The following KRT5 variants were observed in gnomAD, a reference collection of about 807,000 sequenced individuals.
KRT5 encodes keratin 5.
KRT5 carries 17 observed loss-of-function variants against 44.0 expected under a neutral mutation model. The observed-to-expected ratio is 0.39, with a 90% confidence interval of 0.26 to 0.58. The LOEUF is 0.58. Ranked by LOEUF, KRT5 falls within the 20% of genes least tolerant of loss-of-function variation. KRT5 has a pLI of 0.61. For missense variants in KRT5, 737 were observed against 785.5 expected (o/e 0.94, Z 0.74); for synonymous variants, 329 against 312.8 (o/e 1.05, Z -0.55).
intron 2 of KRT5, 36 bp from the exon 3 acceptor site, chr12:52,518,199 G>A (rs1319361948): frequency 1.3e-6 from 2 of 1,599,468 alleles, no homozygotes; most frequent in African/African-American, 1.3e-5. Context: ...TTTGTCAGAG[G>A]ATGAGCAACA....
At position 52,520,274 on chromosome 12, in the gene KRT5, G is replaced by A. The variant is rs913174272; in HGVS notation, c.23C>T (p.Ser8Phe). 2.5e-6 allele frequency: 4 copies of A among 1,613,586 alleles called. No homozygotes were observed. Among genetic ancestry groups the A allele is most frequent in the Non-Finnish European group, 3.4e-6 (4 of 1,180,042 alleles). Residue 8 changes from serine (S) to phenylalanine (F), a missense_variant, in exon 1 of 9, where the codon TCC becomes TTC. Around this residue, in one of 5 missense-constraint regions of KRT5, gnomAD observed 326 missense variants for 333.1 expected, o/e 0.98. Transcript: ENST00000252242. ...GCTACGACTGCCCCCGCTCCGGAAG[G>A]ACACACTTGACTGGCGAGACATGGT... MSRQSSV[S>F]FRSGGSRSFS...
At chr12:52,519,564 C>G in intron 1 of KRT5, 178 bp downstream of exon 1, 1 of 740,656 alleles carries the variant, frequency 1.4e-6, no homozygotes, top group Non-Finnish European at 2.3e-6. Flanking sequence ...ATTCTCCCTT[C>G]CCAGCTGCCA....
chr12:52,515,532 G>A, intron 8 of KRT5: 1 of 622,228 alleles, frequency 1.6e-6, no homozygotes, highest in Non-Finnish European at 2.8e-6. Flanking sequence ...ACTGGGGGGA[G>A]CTAGGTACTA....
At position 52,516,818 on chromosome 12, in the gene KRT5, G is replaced by A. The variant is rs374228362; in HGVS notation, c.1258C>T (p.Arg420Cys). 3.2e-5 allele frequency: 51 copies of A among 1,614,184 alleles called. No homozygotes were observed. Among genetic ancestry groups the A allele is most frequent in the African/African-American group, 2.3e-4 (17 of 75,040 alleles). The change falls in exon 7 of 9, where the codon CGT (arginine) becomes TGT (cysteine). Residue 420 changes from arginine to cysteine, a missense_variant. Transcript: ENST00000252242. Reference protein sequence around the residue: ...LQNAIADAEQRGELALKDARN... With the variant: ...LQNAIADAEQCGELALKDARN... ...GCATCCTTGAGGGCCAGCTCCCCAC[G>A]CTGCTCGGCATCCGCAATGGCGTTC... is the stretch of plus-strand genomic sequence containing the variant.
chr12:52,515,957 G>T (rs2120472235), intron 7 of KRT5, 125 bp from the exon 8 acceptor site: 3 of 811,684 alleles, frequency 3.7e-6, no homozygotes, highest in South Asian at 1.4e-5. Context: ...ACACCCAAAA[G>T]CTGCTTAAGT....
At position 52,515,085 on chromosome 12, in the gene KRT5, C is replaced by T; in HGVS notation, c.1630G>A (p.Gly544Ser). Residue 544 changes from glycine (G) to serine (S), a missense_variant, in exon 9 of 9, where the codon GGT (glycine) becomes AGT (serine). By Grantham distance (56) the Gly-to-Ser change is moderately conservative. Around this residue, in one of 5 missense-constraint regions of KRT5, gnomAD observed 344 missense variants for 351.6 expected, o/e 0.98. Transcript: ENST00000252242. The stretch of plus-strand genomic sequence containing the variant: ...CCAGAGCCCCCCACACTGAGCCCAC[C>T]ACCTAGGCCGACACCCCCACTGCTG... Reference protein sequence around the residue: ...SSSSGGVGLGGGLSVGGSGFS... With the variant: ...SSSSGGVGLGSGLSVGGSGFS... The T allele has an allele frequency of 1.2e-6, 2 of 1,612,860 alleles. No individual in the cohort carries two copies. The highest frequency in any genetic ancestry group is 1.7e-6 in the Non-Finnish European group (2 of 1,179,488).
At chr12:52,519,507 A>T in intron 1 of KRT5, 1 of 633,474 alleles carries the variant, frequency 1.6e-6, no homozygotes, top group South Asian at 1.9e-5. Flanking sequence ...TCTGTCCAAC[A>T]GTTGTTAAGA....
In KRT5 at chr12:52,520,382, A is replaced by AGGT; in HGVS notation, c.-89_-87dup. ...AGAACAGAGCTCAGCAGGACGCAGA[A>AGGT]GGTGGCTCTGTTACCCAGGAACGGT... On this transcript the variant is annotated 5_prime_UTR_variant, in exon 1 of 9. Transcript: ENST00000252242. The AGGT allele has an allele frequency of 7.6e-7, 1 of 1,323,624 alleles. No individual in the cohort carries two copies. The allele number at this position is 1,323,624 out of a possible 1,614,324, so 82.0% of individuals were successfully genotyped here.
intron 3 of KRT5, 25 bp downstream of exon 3, chr12:52,518,078 C>T: frequency 6.2e-7 from 1 of 1,613,722 alleles, no homozygotes; most frequent in Non-Finnish European, 8.5e-7. Context: ...CTGCAGGCTG[C>T]TGGTTCTCTC....
Position 52,514,999 on chromosome 12 carries a change from G to C in KRT5, c.1716C>G (p.Ser572Arg). The C allele has an allele frequency of 6.2e-7, 1 of 1,612,844 alleles. No individual in the cohort carries two copies. The highest frequency in any genetic ancestry group is 8.5e-7 in the Non-Finnish European group (1 of 1,179,746). Residue 572 changes from serine (S) to arginine (R), a missense_variant, in exon 9 of 9, where the codon AGC becomes AGG. This residue lies in a region of KRT5 where 344 missense variants were observed against 351.6 expected (regional missense o/e 0.98). Transcript: ENST00000252242. ...GVGFGSGGGSSSSVKFVSTTS... is the reference protein window; with the variant it reads ...GVGFGSGGGSRSSVKFVSTTS... ...TGGTGGAGACAAATTTGACGCTGGA[G>C]CTGCTACCCCCGCCACTGCCAAAGC...
In KRT5 at chr12:52,515,283, G is replaced by T. The variant is rs1479617521; in HGVS notation, c.1475-43C>A. ...AGGACTCAGTGAGACCATCTGCCAG[G>T]CTGATCCTGCATGGCCCATTTATTT... is the stretch of plus-strand genomic sequence containing the variant. On this transcript the variant is annotated intron_variant, in intron 8 of 8. Transcript: ENST00000252242. 2.5e-6 allele frequency: 4 copies of T among 1,600,840 alleles called. No homozygotes were observed. The African/African-American group carries it at 5.3e-5, about 21-fold the overall frequency.
At chr12:52,515,950 C>A in intron 7 of KRT5, 118 bp from the exon 8 acceptor site, 1 of 847,616 alleles carries the variant, frequency 1.2e-6, no homozygotes, top group South Asian at 1.4e-5. Flanking sequence ...AGTCTGTACA[C>A]CCAAAAGCTG....
In KRT5 at chr12:52,515,812, C is replaced by T; in HGVS notation, c.1460G>A (p.Gly487Glu). ...AAGCTACTTACAGATGTTGACTGGT[C>T]CAACTCCTTCTCCACTGAGTCTGAA... ...EECRLSGEGV[G>E]PVNISVVTSS... Residue 487 changes from glycine (G) to glutamate (E), a missense_variant, in exon 8 of 9, where the codon GGA becomes GAA. Transcript: ENST00000252242. 3 of 1,613,292 alleles carry T rather than the reference C, an allele frequency of 1.9e-6. No individual in the cohort carries two copies. The highest frequency in any genetic ancestry group is 1.6e-4 in the Middle Eastern group (1 of 6,062).
intron 5 of KRT5, 33 bp downstream of exon 5, chr12:52,517,550 TGTGTCCC>T: frequency 6.3e-7 from 1 of 1,597,266 alleles, no homozygotes; most frequent in Non-Finnish European, 8.6e-7. Context: ...TAGACATGGG[TGTGTCCC>T]CTCACTCAGG....
Position 52,515,018 on chromosome 12 carries a change from C to T in KRT5, c.1697G>A (p.Gly566Asp), listed in dbSNP as rs1289903952. Reference protein sequence around the residue: ...SSGRGLGVGFGSGGGSSSSVK... With the variant: ...SSGRGLGVGFDSGGGSSSSVK... ...GCTGGAGCTGCTACCCCCGCCACTG[C>T]CAAAGCCCACCCCCAGCCCTCGGCC... The change falls in exon 9 of 9, where the codon GGC becomes GAC. Residue 566 changes from glycine to aspartate, a missense_variant. Gly to Asp is a moderately conservative substitution (Grantham distance 94). Transcript: ENST00000252242. 3.1e-6 allele frequency: 5 copies of T among 1,611,852 alleles called. No individual in the cohort carries two copies. The highest frequency in any genetic ancestry group is 3.4e-6 in the Non-Finnish European group (4 of 1,179,174).
chr12:52,518,433 T>G (rs1369067532), intron 2 of KRT5: 11 of 639,442 alleles, frequency 1.7e-5, no homozygotes, highest in Admixed American at 1.3e-4. Flanking sequence ...AGCTGTGCTG[T>G]TTCTCCCCAA....
In KRT5 at chr12:52,517,924, A is replaced by G; in HGVS notation, c.900T>C (p.Ile300=). The G allele has an allele frequency of 6.2e-7, 1 of 1,614,222 alleles. No homozygotes were observed. Among genetic ancestry groups the G allele is most frequent in the Non-Finnish European group, 8.5e-7 (1 of 1,179,994 alleles). The change falls in exon 4 of 9, where the codon ATT becomes ATC. Residue 300 remains isoleucine (I), a synonymous_variant. Coordinates refer to ENST00000252242, the MANE Select transcript of KRT5 (RefSeq NM_000424.4). ...EAKVDALMDE[I]NFMKMFFDAE... is the part of the protein sequence containing the mutation. Reference sequence around the variant, plus strand: ...CATCAAAGAACATCTTCATGAAGTTAATCTCATCCATCAGTGCATCAACCT... The same window carrying G: ...CATCAAAGAACATCTTCATGAAGTTGATCTCATCCATCAGTGCATCAACCT...
At chr12:52,516,612 T>C in intron 7 of KRT5, 25 bp downstream of exon 7, 1 of 1,611,504 alleles carries the variant, frequency 6.2e-7, no homozygotes, top group Non-Finnish European at 8.5e-7. Flanking sequence ...CTGAAGGCCA[T>C]CTTGAGTTCA....
chr12:52,515,866 G>C (rs780199576), intron 7 of KRT5, 34 bp from the exon 8 acceptor site: 18 of 1,595,440 alleles, frequency 1.1e-5, no homozygotes. Context: ...AGGGTTAACA[G>C]CTCCCAAAAA....
Sources: gnomAD v4.1 joint callset for allele counts on GRCh38, gnomAD v4.1.1 for gene constraint, gnomAD v4.1.1 regional missense constraint, MANE v1.5 for transcripts, NCBI Gene and HGNC (gene_info 2026-07-23, HGNC 2026-07-21) for gene names.